Variants in TNXB observed in about 807,000 individuals in gnomAD.
TNXB encodes tenascin-X.
TNXB carries 183 observed loss-of-function variants against 340.5 expected under a neutral mutation model. That is an observed-to-expected ratio of 0.54 (90% CI 0.48 to 0.61). TNXB has a LOEUF of 0.61. TNXB is among the 20% of genes least tolerant of loss of function. The pLI is 0.00. For synonymous variants in TNXB, 2,121 were observed against 2,314.5 expected (o/e 0.92, Z 2.40); for missense variants, 4,613 against 5,446.4 (o/e 0.85, Z 4.82).
In TNXB at chr6:32,097,221, G is replaced by T. The variant is rs1171920612; in HGVS notation, c.632C>A (p.Pro211His). The T allele has an allele frequency of 8.7e-6, 14 of 1,600,348 alleles. No homozygotes were observed. Among genetic ancestry groups the T allele is most frequent in the Non-Finnish European group, 1.1e-5 (13 of 1,174,114 alleles). ...GGGACAGGATGGCCAGCCACAGCTG[G>T]GGCCAGTGTAGCCGGGAAAGCACAC... The part of the protein sequence containing the change: ...RCVCFPGYTG[P>H]SCGWPSCPGD... Residue 211 changes from proline (P) to histidine (H), a missense_variant, in exon 3 of 44, where the codon CCC becomes CAC. Pro to His is a moderately conservative substitution (Grantham distance 77). This residue lies in a region of TNXB where 4,327 missense variants were observed against 4,859.4 expected (regional missense o/e 0.89). Transcript: ENST00000644971. The surrounding 1 kb of genome is among the most constrained non-coding windows in gnomAD (Gnocchi z 5.9).
chr6:32,097,065 C>A lies in TNXB; in HGVS notation c.788G>T (p.Arg263Leu), dbSNP rs371229076. Residue 263 changes from arginine (R) to leucine (L), a missense_variant, in exon 3 of 44, where the codon CGC (arginine) becomes CTC (leucine). Arg to Leu is a moderately radical substitution (Grantham distance 102). Transcript: ENST00000644971. This position sits in a 1 kb window ranked among gnomAD's most constrained non-coding sequence, Gnocchi z 5.9. ...CSQRGRCEGG[R>L]CVCDPGYTGD... ...AGTGTAGCCTGGGTCACACACGCAGCGCCCACCCTCACAGCGTCCCCTCTG... is the reference window on the plus strand; with the variant it reads ...AGTGTAGCCTGGGTCACACACGCAGAGCCCACCCTCACAGCGTCCCCTCTG... 1 of 1,613,726 alleles carries A rather than the reference C, an allele frequency of 6.2e-7. No homozygotes were observed. The highest frequency in any genetic ancestry group is 1.1e-5 in the South Asian group (1 of 91,064).
In TNXB at chr6:32,089,135, C is replaced by A; in HGVS notation, c.2516-87G>T. ...TCCAAGAGCCTAGCCCCCATCCAGC[C>A]CCTTCCTTCTGCCCTCCCGGAGGGC... On this transcript the variant is annotated intron_variant, in intron 5 of 43. Transcript: ENST00000644971. The surrounding 1 kb of genome is among the most constrained non-coding windows in gnomAD (Gnocchi z 6.2). 1.3e-6 allele frequency: 2 copies of A among 1,572,290 alleles called. No homozygotes were observed. Among genetic ancestry groups the A allele is most frequent in the South Asian group, 2.4e-5 (2 of 84,044 alleles).
Position 32,052,876 on chromosome 6 carries a change from A to G in TNXB, c.8909T>C (p.Leu2970Pro). 1.2e-6 allele frequency: 2 copies of G among 1,612,930 alleles called. No homozygotes were observed. The highest frequency in any genetic ancestry group is 1.7e-6 in the Non-Finnish European group (2 of 1,179,822). The part of the protein sequence containing the change: ...VTGSSPDSLS[L>P]SWTIPQGRFD... ...GCGGCCCTGGGGGATGGTCCAGGAGAGGCTCAGCGAGTCAGGGGAGGATCC... is the reference window on the plus strand; with the variant it reads ...GCGGCCCTGGGGGATGGTCCAGGAGGGGCTCAGCGAGTCAGGGGAGGATCC... The change falls in exon 26 of 44, where the codon CTC (leucine) becomes CCC (proline). Residue 2970 changes from leucine (L) to proline (P), a missense_variant. Transcript: ENST00000644971. This position sits in a 1 kb window ranked among gnomAD's most constrained non-coding sequence, Gnocchi z 4.7.
chr6:32,080,411 C>T lies in TNXB; in HGVS notation c.4042+957G>A, dbSNP rs373477566. Among the ~76,000 whole-genome samples, 2 of 152,166 alleles carry T rather than the reference C, an allele frequency of 1.3e-5. No homozygotes were observed. Among genetic ancestry groups the T allele is most frequent in the African/African-American group, 2.4e-5 (1 of 41,438 alleles). ...ATTTTTAGTGGAGACACGGTTTCAC[C>T]GTGTTAGCCAGGATGGTCTCGATCT... On this transcript the variant is annotated intron_variant, in intron 10 of 43. Transcript: ENST00000644971. This position sits in a 1 kb window ranked among gnomAD's most constrained non-coding sequence, Gnocchi z 4.3.
rs1284726770 is a variant in TNXB, at chr6:32,095,924, G to T, written c.1929C>A (p.Thr643=). Residue 643 remains threonine (T), a synonymous_variant, in exon 3 of 44, where the codon ACC becomes ACA. Coordinates refer to ENST00000644971, the MANE Select transcript of TNXB (RefSeq NM_001365276.2). ...ACATGCGGGTGGCACAGGTAGGGCCGGTGTAGCCTGGGTCGCACAGGCAGC... is the reference window on the plus strand; with the variant it reads ...ACATGCGGGTGGCACAGGTAGGGCCTGTGTAGCCTGGGTCGCACAGGCAGC... ...EGRCLCDPGY[T]GPTCATRMCP... 1 of 1,612,716 alleles carries T rather than the reference G, an allele frequency of 6.2e-7. No individual in the cohort carries two copies. Among genetic ancestry groups the T allele is most frequent in the Non-Finnish European group, 8.5e-7 (1 of 1,179,612 alleles).
In TNXB at chr6:32,046,327, T is replaced by C. The variant is rs371565354; in HGVS notation, c.10454A>G (p.Asp3485Gly). 8.7e-5 allele frequency: 139 copies of C among 1,606,438 alleles called. No individual in the cohort carries two copies. The highest frequency in any genetic ancestry group is 1.1e-4 in the Non-Finnish European group (131 of 1,178,052). The change falls in exon 31 of 44, where the codon GAC becomes GGC. Residue 3485 changes from aspartate (D) to glycine (G), a missense_variant. Asp to Gly is a moderately conservative substitution (Grantham distance 94, BLOSUM62 -1). Coordinates refer to ENST00000644971, the MANE Select transcript of TNXB (RefSeq NM_001365276.2). This position sits in a 1 kb window ranked among gnomAD's most constrained non-coding sequence, Gnocchi z 6.9. ...CACTGCCCTGGGCTGCCCGTCCGTGTCCCTGTACTGGACCACGAAGGAGTC... is the reference window on the plus strand; with the variant it reads ...CACTGCCCTGGGCTGCCCGTCCGTGCCCCTGTACTGGACCACGAAGGAGTC... ...PFDSFVVQYRDTDGQPRAVPV... is the reference protein window; with the variant it reads ...PFDSFVVQYRGTDGQPRAVPV...
In TNXB at chr6:32,069,511, G is replaced by T. The variant is rs1187790698; in HGVS notation, c.5587+42C>A. The T allele has an allele frequency of 6.6e-7, 1 of 1,517,036 alleles. No individual in the cohort carries two copies. Among genetic ancestry groups the T allele is most frequent in the Non-Finnish European group, 8.8e-7 (1 of 1,131,260 alleles). 94.0% of individuals were successfully genotyped at this position (1,517,036 alleles called of 1,614,324 possible). A position where few individuals can be genotyped will look rare whatever the true frequency, so the allele number is the denominator to read the frequency against. ...TGGCTCAGTCAGACCAGGAGAGCCA[G>T]GCGGGAAGGAGGCACAGGTGTTCCA... On this transcript the variant is annotated intron_variant, in intron 15 of 43. Coordinates refer to ENST00000644971, the MANE Select transcript of TNXB (RefSeq NM_001365276.2). This position sits in a 1 kb window ranked among gnomAD's most constrained non-coding sequence, Gnocchi z 6.2.
chr6:32,041,591 G>T (rs1181736146), intron 43 of TNXB, 141 bp from the exon 44 acceptor site: 2 of 1,069,398 alleles, frequency 1.9e-6, no homozygotes, highest in Non-Finnish European at 2.8e-6. Context: ...GAGGATTGAG[G>T]CTTAATTCTG....
In TNXB at chr6:32,093,488, T is replaced by C. The variant is rs1189022560; in HGVS notation, c.2358+1588A>G. 3 of 672,820 alleles carry C rather than the reference T, an allele frequency of 4.5e-6. No individual in the cohort carries two copies. The African/African-American group carries it at 5.3e-5, about 12-fold the overall frequency. The allele number at this position is 672,820 out of a possible 1,614,324, so 41.7% of individuals were successfully genotyped here. ...AGCATAATGACAAGACAAAGCAAAGTGGAGTGAGGATGACAGTTCCTCTGA... is the reference window on the plus strand; with the variant it reads ...AGCATAATGACAAGACAAAGCAAAGCGGAGTGAGGATGACAGTTCCTCTGA... On this transcript the variant is annotated intron_variant, in intron 4 of 43. Transcript: ENST00000644971.
Position 32,056,586 on chromosome 6 carries a change from C to A in TNXB, c.8143G>T (p.Ala2715Ser), listed in dbSNP as rs763291196. 3 of 1,612,798 alleles carry A rather than the reference C, an allele frequency of 1.9e-6. No homozygotes were observed. In the East Asian group the frequency reaches 6.7e-5, roughly 36 times the overall value. Residue 2715 changes from alanine (A) to serine (S), a missense_variant and splice_region_variant, in exon 23 of 44, where the codon GCT becomes TCT. By Grantham distance (99) the Ala-to-Ser change is moderately conservative. This residue lies in a region of TNXB where 4,327 missense variants were observed against 4,859.4 expected (regional missense o/e 0.89). Coordinates refer to ENST00000644971, the MANE Select transcript of TNXB (RefSeq NM_001365276.2). ...CCTGGGGCTGCCATCATCCACTCAC[C>A]CGTCACCCCAATGACAGAGATGGGG... ...VGPISVIGVT[A>S]AEEETPSPTE...
rs1779598394 is a variant in TNXB at position 32,083,585 on chromosome 6, A to C, written c.3445+828T>G. 6.6e-6 allele frequency among the ~76,000 whole-genome samples: 1 copy of C among 152,014 alleles called. No individual in the cohort carries two copies. Among genetic ancestry groups the C allele is most frequent in the African/African-American group, 2.4e-5 (1 of 41,378 alleles). On this transcript the variant is annotated intron_variant, in intron 8 of 43. Transcript: ENST00000644971. The surrounding 1 kb of genome is among the most constrained non-coding windows in gnomAD (Gnocchi z 4.6). ...CAGAACCCTGGGGGCTGCCTGGTAC[A>C]CCTTGCTTTCCTTCGCCTCCCCCAT...
At chr6:32,050,624 G>T (rs778462904) in intron 26 of TNXB, among the ~76,000 whole-genome samples, 5 of 151,694 alleles carry the variant, frequency 3.3e-5, no homozygotes, top group African/African-American at 7.3e-5. Flanking sequence ...CCTGCACTGG[G>T]GTCTCCTCGC....
chr6:32,099,911 A>G (rs955954592), intron 1 of TNXB, among the ~76,000 whole-genome samples: 5 of 134,838 alleles, frequency 3.7e-5, no homozygotes, highest in Admixed American at 7.9e-5. Context: ...TGGTCTTTTT[A>G]GTTCCTGGTG....
rs1778697805 is a variant in TNXB at position 32,070,361 on chromosome 6, C to T, written c.5044G>A (p.Val1682Met). 6.2e-7 allele frequency: 1 copy of T among 1,606,320 alleles called. No homozygotes were observed. The highest frequency in any genetic ancestry group is 8.5e-7 in the Non-Finnish European group (1 of 1,176,768). Residue 1682 changes from valine (V) to methionine (M), a missense_variant, in exon 14 of 44, where the codon GTG becomes ATG. By Grantham distance (21) the Val-to-Met change is conservative. This residue lies in a region of TNXB where 4,327 missense variants were observed against 4,859.4 expected (regional missense o/e 0.89). Coordinates refer to ENST00000644971, the MANE Select transcript of TNXB (RefSeq NM_001365276.2). The surrounding 1 kb of genome is among the most constrained non-coding windows in gnomAD (Gnocchi z 6.0). ...GAPPRLGELW[V>M]TDPTPDSLRL... ...AGTGAGTCTGGGGTGGGGTCTGTCA[C>T]CCACAGCTCCCCAAGGCGGGGTGGG...
chr6:32,060,655 T>G (rs1236630797), intron 21 of TNXB, among the ~76,000 whole-genome samples: 1 of 151,978 alleles, frequency 6.6e-6, no homozygotes, highest in Admixed American at 6.5e-5. Context: ...TTTTCTTCTT[T>G]TTTGAGACTG....
rs1192988680 is a variant in TNXB, at chr6:32,058,266, G to C, written c.7617C>G (p.Ser2539Arg). 1.9e-6 allele frequency: 3 copies of C among 1,612,304 alleles called. No individual in the cohort carries two copies. Among genetic ancestry groups the C allele is most frequent in the African/African-American group, 1.3e-5 (1 of 74,726 alleles). Residue 2539 changes from serine to arginine, a missense_variant, in exon 22 of 44, where the codon AGC (serine) becomes AGG (arginine). By Grantham distance (110) the Ser-to-Arg change is moderately radical. Around this residue, in one of 7 missense-constraint regions of TNXB, gnomAD observed 4,327 missense variants for 4,859.4 expected, o/e 0.89. Transcript: ENST00000644971. This position sits in a 1 kb window ranked among gnomAD's most constrained non-coding sequence, Gnocchi z 5.1. Reference protein sequence around the residue: ...TVTGSSPDSLSLSWTVPQGRF... With the variant: ...TVTGSSPDSLRLSWTVPQGRF... ...GGCCCTGGGGGACGGTCCAGGAAAGGCTCAGCGAGTCAGGGGAGGATCCTG... is the reference window on the plus strand; with the variant it reads ...GGCCCTGGGGGACGGTCCAGGAAAGCCTCAGCGAGTCAGGGGAGGATCCTG...
Position 32,052,546 on chromosome 6 carries a change from T to C in TNXB, c.9115+124A>G. On this transcript the variant is annotated intron_variant, in intron 26 of 43. Coordinates refer to ENST00000644971, the MANE Select transcript of TNXB (RefSeq NM_001365276.2). This position sits in a 1 kb window ranked among gnomAD's most constrained non-coding sequence, Gnocchi z 4.7. ...ATCCAAATCTGCTTTTTAACAAAAA[T>C]CTCCAGGCATTTGGATACACAAAGG... 7.5e-7 allele frequency: 1 copy of C among 1,338,820 alleles called. No homozygotes were observed. The highest frequency in any genetic ancestry group is 1.0e-6 in the Non-Finnish European group (1 of 997,526). 82.9% of individuals were successfully genotyped at this position (1,338,820 alleles called of 1,614,324 possible).
intron 1 of TNXB, among the ~76,000 whole-genome samples, chr6:32,099,035 G>A (rs927723127): frequency 3.3e-5 from 5 of 152,108 alleles, no homozygotes; most frequent in African/African-American, 1.2e-4. Flanking sequence ...GCTACAATGG[G>A]AGCTCCTTGA....
At position 32,089,189 on chromosome 6, in the gene TNXB, T is replaced by G. The variant is rs1483209416; in HGVS notation, c.2515+34A>C. 4.4e-6 allele frequency: 7 copies of G among 1,575,194 alleles called. No homozygotes were observed. The African/African-American group carries it at 9.4e-5, about 21-fold the overall frequency. ...TTCCCTCTCTAGTCCAGATCTCCAC[T>G]CAGGACACCCCTCCCCACAGCCCCA... On this transcript the variant is annotated intron_variant, in intron 5 of 43. Coordinates refer to ENST00000644971, the MANE Select transcript of TNXB (RefSeq NM_001365276.2). The surrounding 1 kb of genome is among the most constrained non-coding windows in gnomAD (Gnocchi z 6.2).
Sources: gnomAD v4.1 joint callset for allele counts (sites outside exome capture counted in the v4.1 genomes callset) on GRCh38, gnomAD v4.1.1 for gene constraint, gnomAD v4.1.1 regional missense constraint, Gnocchi (gnomAD v3.1) non-coding constraint, MANE v1.5 for transcripts, NCBI Gene and HGNC (gene_info 2026-07-23, HGNC 2026-07-21) for gene names.